Variants in EYS observed in about 807,000 individuals in gnomAD.
EYS encodes the protein protein eyes shut homolog.
Under a neutral mutation model 282.1 loss-of-function variants are expected in EYS, and 250 were observed. That is an observed-to-expected ratio of 0.89 (90% CI 0.80 to 0.98). The LOEUF (loss-of-function observed/expected upper bound fraction) is 0.98. EYS is among the 50% of genes least tolerant of loss of function. The pLI is 0.00. For synonymous variants in EYS, 1,355 were observed against 1,282.9 expected (o/e 1.06, Z -1.20); for missense variants, 4,016 against 3,709.0 (o/e 1.08, Z -2.15).
chr6:64,872,892 T>C (rs1766636091), intron 19 of EYS, among the ~76,000 whole-genome samples: 1 of 151,360 alleles, frequency 6.6e-6, no homozygotes, highest in Non-Finnish European at 1.5e-5. Context: ...CAGTCACACT[T>C]AGTAAAGTGT....
At chr6:64,093,111 A>G (rs1395305638) in intron 31 of EYS, among the ~76,000 whole-genome samples, 2 of 151,942 alleles carry the variant, frequency 1.3e-5, no homozygotes, top group African/African-American at 4.8e-5. Flanking sequence ...CCATTGGTCT[A>G]TATCTCTGTT....
chr6:65,162,550 T>C lies in EYS; in HGVS notation c.2024-104823A>G, dbSNP rs542917155. Among the ~76,000 whole-genome samples, 4 of 151,360 alleles carry C rather than the reference T, an allele frequency of 2.6e-5. No individual in the cohort carries two copies. The East Asian group carries it at 7.8e-4, about 30-fold the overall frequency. On this transcript the variant is annotated intron_variant, in intron 12 of 42. Transcript: ENST00000503581. Reference sequence around the variant, plus strand: ...TACATACAACAAAAAGAATATAATGTTATAAATTTCCATTTTTCAATTAAC... The same window carrying C: ...TACATACAACAAAAAGAATATAATGCTATAAATTTCCATTTTTCAATTAAC...
intron 33 of EYS, among the ~76,000 whole-genome samples, chr6:64,060,021 GC>G (rs1429188950): frequency 6.6e-6 from 1 of 151,950 alleles, no homozygotes; most frequent in Non-Finnish European, 1.5e-5. Flanking sequence ...TGAAAATCTT[GC>G]CAAACTTTCC....
At chr6:63,942,422 T>C (rs1202445878) in intron 35 of EYS, among the ~76,000 whole-genome samples, 10 of 152,090 alleles carry the variant, frequency 6.6e-5, no homozygotes, top group Admixed American at 6.5e-4. Flanking sequence ...CTTGGAGAAA[T>C]TCAACAGCTT....
chr6:64,241,548 C>T (rs1471451496), intron 30 of EYS, among the ~76,000 whole-genome samples: 2 of 151,826 alleles, frequency 1.3e-5, no homozygotes, highest in African/African-American at 2.4e-5. Context: ...GTTTGTATTT[C>T]TGTGGGGTCA....
chr6:64,723,892 G>C (rs761409920), intron 22 of EYS, among the ~76,000 whole-genome samples: 3 of 152,074 alleles, frequency 2.0e-5, no homozygotes, highest in African/African-American at 4.8e-5. Flanking sequence ...GTGCCTAGTG[G>C]TCAGCAGTCT....
intron 9 of EYS, among the ~76,000 whole-genome samples, chr6:65,347,869 C>T (rs1582169370): frequency 6.6e-6 from 1 of 151,388 alleles, no homozygotes; most frequent in Non-Finnish European, 1.5e-5. Context: ...TCCCCACTTC[C>T]ATCCACCTCA....
intron 12 of EYS, among the ~76,000 whole-genome samples, chr6:65,246,282 G>A (rs1315199176): frequency 6.6e-6 from 1 of 152,058 alleles, no homozygotes; most frequent in East Asian, 1.9e-4. Context: ...GACATACAGA[G>A]AGTATAGGTG....
Position 63,920,532 on chromosome 6 carries a change from A to C in EYS, c.7056-56174T>G, listed in dbSNP as rs150224484. On this transcript the variant is annotated intron_variant, in intron 35 of 42. Transcript: ENST00000503581. ...CCCGTTGGCTCTAGGAGTGGCAAAA[A>C]CTTCTCCTTCCTGATGATCTCCAAG... Among the ~76,000 whole-genome samples the C allele has an allele frequency of 2.6e-5, 4 of 152,154 alleles. No homozygotes were observed. The East Asian group carries it at 5.8e-4, about 22-fold the overall frequency.
intron 1 of EYS, among the ~76,000 whole-genome samples, chr6:65,701,887 G>A (rs1168757427): frequency 6.6e-6 from 1 of 152,122 alleles, no homozygotes; most frequent in Non-Finnish European, 1.5e-5. Context: ...ATTTCATAAG[G>A]CATTGAGTTG....
chr6:63,760,486 T>A (rs1029077956), intron 41 of EYS, among the ~76,000 whole-genome samples: 18 of 152,058 alleles, frequency 1.2e-4, no homozygotes, highest in South Asian at 2.1e-4. Context: ...ATTGTTATTT[T>A]ATAGAATATC....
At chr6:63,984,666 AGGATGTTTGGTTCTGTAATT>A in intron 34 of EYS, 63 bp from the exon 35 acceptor site, 1 of 1,260,994 alleles carries the variant, frequency 7.9e-7, no homozygotes, top group Non-Finnish European at 1.1e-6. Flanking sequence ...GAAAAGATGT[AGGATGTTTGGTTCTGTAATT>A]GGATGTGTTT....
At chr6:65,011,165 G>T (rs900494025) in intron 13 of EYS, among the ~76,000 whole-genome samples, 1 of 152,184 alleles carries the variant, frequency 6.6e-6, no homozygotes, top group Non-Finnish European at 1.5e-5. Context: ...GTTGCCTGCA[G>T]CTAACCAATG....
At chr6:63,972,430 G>A (rs535325233) in intron 35 of EYS, among the ~76,000 whole-genome samples, 1 of 152,298 alleles carries the variant, frequency 6.6e-6, no homozygotes, top group East Asian at 1.9e-4. Flanking sequence ...CCTCTTGACT[G>A]TTAGAGTAAT....
chr6:65,016,071 G>GAA lies in EYS; in HGVS notation c.2138-18370_2138-18369dup, dbSNP rs561989962. Among the ~76,000 whole-genome samples, 748 of 115,732 alleles carry GAA rather than the reference G, an allele frequency of 6.5e-3. 4 individuals are homozygous for GAA. The highest frequency in any genetic ancestry group is 0.037 in the Admixed American group (394 of 10,784). The allele number at this position is 115,732 out of a possible 152,430, so 75.9% of individuals were successfully genotyped here. ...AAAAAGAAAGAAAAGAAAAGAAAAA[G>GAA]AAAAAAAAAAAAACAGGCGCCATGG... On this transcript the variant is annotated intron_variant, in intron 13 of 42. Transcript: ENST00000503581.
At chr6:64,694,842 G>A (rs1415905726) in intron 22 of EYS, among the ~76,000 whole-genome samples, 1 of 152,124 alleles carries the variant, frequency 6.6e-6, no homozygotes, top group African/African-American at 2.4e-5. Context: ...GCCTGGTGCA[G>A]TTTCACGGTC....
chr6:64,172,359 C>T (rs1188031384), intron 31 of EYS, among the ~76,000 whole-genome samples: 1 of 152,120 alleles, frequency 6.6e-6, no homozygotes, highest in East Asian at 1.9e-4. Flanking sequence ...AAACTTTATA[C>T]ACATTGACCA....
intron 26 of EYS, among the ~76,000 whole-genome samples, chr6:64,585,928 T>C (rs1358661697): frequency 6.6e-6 from 1 of 152,160 alleles, no homozygotes; most frequent in East Asian, 1.9e-4. Flanking sequence ...CAAATTAATA[T>C]ATCACATGTC....
rs145321084 is a variant in EYS, at chr6:65,639,782, A to T, written c.-337T>A. Reference sequence around the variant, plus strand: ...CCTCAGGACTCTTATCCTTACCTCAAGTACACAGGTTCCGTTGCTGTTTGA... The same window carrying T: ...CCTCAGGACTCTTATCCTTACCTCATGTACACAGGTTCCGTTGCTGTTTGA... On this transcript the variant is annotated 5_prime_UTR_variant, in exon 2 of 43. It adds an upstream start codon to the 5' untranslated region. Coordinates refer to ENST00000503581, the MANE Select transcript of EYS (RefSeq NM_001142800.2). 377 of 152,326 alleles carry T rather than the reference A, an allele frequency of 2.5e-3. 2 individuals carry two copies. Among genetic ancestry groups the T allele is most frequent in the Non-Finnish European group, 4.1e-3 (281 of 68,026 alleles). The allele number at this position is 152,326 out of a possible 1,614,324, so 9.4% of individuals were successfully genotyped here. A position where few individuals can be genotyped will look rare whatever the true frequency, so the allele number is the denominator to read the frequency against.
Sources: allele counts gnomAD v4.1 joint callset (sites outside exome capture counted in the v4.1 genomes callset), GRCh38; gene constraint gnomAD v4.1.1; transcripts MANE v1.5; gene names NCBI Gene and HGNC (gene_info 2026-07-23, HGNC 2026-07-21).